Variants in ZBTB49 observed in about 807,000 individuals in gnomAD.
ZBTB49 encodes zinc finger and BTB domain-containing protein 49.
Under a neutral mutation model 57.5 loss-of-function variants are expected in ZBTB49, and 43 were observed. The observed-to-expected ratio is 0.75, with a 90% CI of 0.59 to 0.97. ZBTB49 has a LOEUF of 0.97. Among genes scored for constraint, ZBTB49 ranks in the 50% least tolerant of loss-of-function variants. The pLI is 0.00. For missense variants in ZBTB49, 938 were observed against 947.7 expected (o/e 0.99, Z 0.13); for synonymous variants, 369 against 362.1 (o/e 1.02, Z -0.22).
chr4:4,295,252 C>A (rs568013355), intron 1 of ZBTB49, among the ~76,000 whole-genome samples: 47 of 152,066 alleles, frequency 3.1e-4, no homozygotes, highest in African/African-American at 8.7e-4. Context: ...TGGCAGAAGG[C>A]GAAGGGGAAG....
intron 2 of ZBTB49, 42 bp downstream of exon 2, chr4:4,300,139 G>A (rs113551222): frequency 6.2e-7 from 1 of 1,603,812 alleles, no homozygotes; most frequent in African/African-American, 1.3e-5. Flanking sequence ...TGAATTAAGG[G>A]TAAAGCTCTT....
rs776067692 is a variant in ZBTB49 at position 4,303,069 on chromosome 4, G to A, written c.1233G>A (p.Glu411=). The change falls in exon 3 of 8, where the codon GAG becomes GAA. Residue 411 remains glutamate, a synonymous_variant. Coordinates refer to ENST00000337872, the MANE Select transcript of ZBTB49 (RefSeq NM_145291.4). ...GKPFKHPSNL[E]LHKRSHTGEK... is the part of the protein sequence containing the mutation. ...CTTTTAAACACCCAAGCAACTTGGA[G>A]CTTCACAAACGGTCTCATACAGGTA... 3.1e-6 allele frequency: 5 copies of A among 1,609,636 alleles called. No individual in the cohort carries two copies. Among genetic ancestry groups the A allele is most frequent in the Non-Finnish European group, 2.5e-6 (3 of 1,177,304 alleles).
At chr4:4,313,793 G>A (rs1286275302) in intron 5 of ZBTB49, among the ~76,000 whole-genome samples, 1 of 152,220 alleles carries the variant, frequency 6.6e-6, no homozygotes, top group Non-Finnish European at 1.5e-5. Flanking sequence ...TGGTGGTTGT[G>A]CCAGGACAAC....
chr4:4,315,369 T>C (rs1721145245), intron 5 of ZBTB49, among the ~76,000 whole-genome samples: 2 of 152,244 alleles, frequency 1.3e-5, no homozygotes, highest in Non-Finnish European at 2.9e-5. Context: ...TATCTGATCT[T>C]GTGCTCTGTA....
intron 5 of ZBTB49, among the ~76,000 whole-genome samples, chr4:4,313,417 A>G (rs188704519): frequency 1.6e-4 from 25 of 152,342 alleles, no homozygotes; most frequent in Admixed American, 4.6e-4. Flanking sequence ...AATGTCTCTG[A>G]AAATATAATA....
At chr4:4,293,176 C>CAG (rs1720024400) in intron 1 of ZBTB49, among the ~76,000 whole-genome samples, 1 of 152,142 alleles carries the variant, frequency 6.6e-6, no homozygotes, top group South Asian at 2.1e-4. Context: ...TGCTAGGCAC[C>CAG]AGAGATACAT....
intron 7 of ZBTB49, among the ~76,000 whole-genome samples, chr4:4,318,685 C>T (rs1721285755): frequency 6.6e-6 from 1 of 152,168 alleles, no homozygotes; most frequent in African/African-American, 2.4e-5. Flanking sequence ...CCACCGTGTG[C>T]AGCAGTGAAG....
Position 4,315,618 on chromosome 4 carries a change from T to A in ZBTB49, c.1377-18T>A, listed in dbSNP as rs770914417. On this transcript the variant is annotated intron_variant, in intron 5 of 7. Coordinates refer to ENST00000337872, the MANE Select transcript of ZBTB49 (RefSeq NM_145291.4). Reference sequence around the variant, plus strand: ...AATGTGGAAAGGCTCTTAATTGAATTTTCAAATTACATTCTAGGTTTGCAG... The same window carrying A: ...AATGTGGAAAGGCTCTTAATTGAATATTCAAATTACATTCTAGGTTTGCAG... 8.7e-6 allele frequency: 14 copies of A among 1,612,888 alleles called. No individual in the cohort carries two copies. The highest frequency in any genetic ancestry group is 1.2e-5 in the Non-Finnish European group (14 of 1,179,302).
In ZBTB49 at chr4:4,302,274, T is replaced by A. The variant is rs1720513594; in HGVS notation, c.438T>A (p.Cys146Ter). 1.2e-6 allele frequency: 2 copies of A among 1,614,176 alleles called. No homozygotes were observed. The highest frequency in any genetic ancestry group is 1.7e-5 in the Admixed American group (1 of 60,030). The change falls in exon 3 of 8, where the codon TGT (cysteine) becomes TGA (stop). Residue 146 changes from cysteine (C) to a stop codon, truncating the protein, a stop_gained. Transcript: ENST00000337872. LOFTEE classifies it high-confidence loss of function. Reference protein sequence around the residue: ...LQSTLTPDATCVISENYPPHL... With the variant: ...LQSTLTPDAT ...GCACCCTGACCCCAGATGCCACTTG[T>A]GTTATCAGTGAAAACTACCCCCCTC...
In ZBTB49 at chr4:4,315,938, C is replaced by CG; in HGVS notation, c.1594dup (p.Glu532GlyfsTer18). 3 of 1,614,050 alleles carry CG rather than the reference C, an allele frequency of 1.9e-6. No individual in the cohort carries two copies. The highest frequency in any genetic ancestry group is 2.5e-6 in the Non-Finnish European group (3 of 1,180,024). On this transcript the variant is annotated frameshift_variant, in exon 7 of 8. Transcript: ENST00000337872. LOFTEE classifies it low-confidence loss of function (END_TRUNC). ...TTAGTAAAGCACAGAATTCGGCACA[C>CG]GGGGGAGCGGCCTTACAGCTGCTCT...
chr4:4,315,580 A>G, intron 5 of ZBTB49, 56 bp from the exon 6 acceptor site: 1 of 1,555,998 alleles, frequency 6.4e-7, no homozygotes. Context: ...TTGCAGTTAT[A>G]AAGACCCACA....
At chr4:4,299,799 G>C (rs1577233106) in intron 1 of ZBTB49, 128 bp from the exon 2 acceptor site, 1 of 726,406 alleles carries the variant, frequency 1.4e-6, no homozygotes, top group East Asian at 2.8e-5. Context: ...GTGTGTGTGT[G>C]TGTGTGTGTG....
At chr4:4,319,731 G>C (rs1296785517) in intron 7 of ZBTB49, among the ~76,000 whole-genome samples, 1 of 152,082 alleles carries the variant, frequency 6.6e-6, no homozygotes, top group African/African-American at 2.4e-5. Context: ...TGTGACATGA[G>C]AATCGCTTGA....
At chr4:4,292,003 T>A (rs1315022793) in intron 1 of ZBTB49, among the ~76,000 whole-genome samples, 1 of 151,906 alleles carries the variant, frequency 6.6e-6, no homozygotes. Context: ...GCGGGTGTGG[T>A]GGCGCATGCC....
chr4:4,300,854 T>C lies in ZBTB49; in HGVS notation c.152+757T>C, dbSNP rs1444668065. Among the ~76,000 whole-genome samples, 3 of 152,142 alleles carry C rather than the reference T, an allele frequency of 2.0e-5. No homozygotes were observed. In the East Asian group the frequency reaches 5.8e-4, roughly 29 times the overall value. ...ATTTTGTTGTTAGCAGGTTTCTCTCTCTTTAAATACAAAGTCTTTTTTTTT... is the reference window on the plus strand; with the variant it reads ...ATTTTGTTGTTAGCAGGTTTCTCTCCCTTTAAATACAAAGTCTTTTTTTTT... On this transcript the variant is annotated intron_variant, in intron 2 of 7. Coordinates refer to ENST00000337872, the MANE Select transcript of ZBTB49 (RefSeq NM_145291.4).
intron 2 of ZBTB49, 98 bp from the exon 3 acceptor site, chr4:4,301,891 A>G: frequency 1.7e-6 from 2 of 1,189,122 alleles, no homozygotes; most frequent in Non-Finnish European, 2.2e-6. Context: ...CATTCACAGA[A>G]GGATAGTATT....
At chr4:4,301,291 C>A (rs539107709) in intron 2 of ZBTB49, among the ~76,000 whole-genome samples, 50 of 152,218 alleles carry the variant, frequency 3.3e-4, no homozygotes, top group African/African-American at 1.2e-3. Context: ...TGGCTTGTAC[C>A]CAGAATAAAG....
chr4:4,313,273 A>C (rs1327667794), intron 5 of ZBTB49, among the ~76,000 whole-genome samples, 159 bp downstream of exon 5: 1 of 152,208 alleles, frequency 6.6e-6, no homozygotes, highest in Admixed American at 6.5e-5. Context: ...CTGGCTTTGC[A>C]TGTGACACAC....
chr4:4,298,196 G>T (rs187885896), intron 1 of ZBTB49, among the ~76,000 whole-genome samples: 1 of 152,314 alleles, frequency 6.6e-6, no homozygotes, highest in African/African-American at 2.4e-5. Context: ...GTGGAACTAG[G>T]TCTCCAACCC....
Sources: gnomAD v4.1 joint callset for allele counts (sites outside exome capture counted in the v4.1 genomes callset) on GRCh38, gnomAD v4.1.1 for gene constraint, MANE v1.5 for transcripts, NCBI Gene and HGNC (gene_info 2026-07-23, HGNC 2026-07-21) for gene names.